The following CNTN5 variants were observed in gnomAD, a reference collection of about 807,000 sequenced individuals.
CNTN5 encodes contactin-5.
Under a neutral mutation model 129.1 loss-of-function variants are expected in CNTN5, and 77 were observed. The observed-to-expected ratio is 0.60, with a 90% CI of 0.50 to 0.72. The LOEUF (loss-of-function observed/expected upper bound fraction) is 0.72, where lower values mean the gene tolerates loss of function less well. CNTN5 is among the 30% of genes least tolerant of loss of function. The pLI is 0.00. For missense variants in CNTN5, 1,478 were observed against 1,328.8 expected (o/e 1.11, Z -1.75); for synonymous variants, 509 against 465.6 (o/e 1.09, Z -1.20).
chr11:100,122,684 G>A (rs1023427566), intron 13 of CNTN5, among the ~76,000 whole-genome samples: 1 of 152,044 alleles, frequency 6.6e-6, no homozygotes, highest in African/African-American at 2.4e-5. Context: ...TACTAAATGG[G>A]CCATTCTGAT....
At chr11:99,219,922 T>C (rs896296664) in intron 1 of CNTN5, among the ~76,000 whole-genome samples, 6 of 152,014 alleles carry the variant, frequency 3.9e-5, no homozygotes, top group African/African-American at 1.4e-4. Context: ...TGCAGGCTTC[T>C]GTATTTCTGT....
intron 3 of CNTN5, among the ~76,000 whole-genome samples, chr11:99,710,130 T>C (rs685284): frequency 0.77 from 116,671 of 151,650 alleles, 45,133 homozygotes; most frequent in Middle Eastern, 0.86. Context: ...AACTCACTCA[T>C]AGATGCCACA....
At chr11:99,112,613 A>G (rs1447032964) in intron 1 of CNTN5, among the ~76,000 whole-genome samples, 4 of 152,048 alleles carry the variant, frequency 2.6e-5, no homozygotes, top group Non-Finnish European at 5.9e-5. Flanking sequence ...CTTAAAATCC[A>G]TGAATGATAT....
rs1163547501 is a variant in CNTN5 at position 100,191,222 on chromosome 11, T to C, written c.1677T>C (p.Ser559=). The C allele has an allele frequency of 6.2e-6, 10 of 1,612,670 alleles. No individual in the cohort carries two copies. The African/African-American group carries it at 8.0e-5, about 13-fold the overall frequency. Residue 559 remains serine, a synonymous_variant, in exon 14 of 25, where the codon TCT becomes TCC. Transcript: ENST00000524871. ...YVCRGENVFG[S]AEIIASLSVK... ...GCCGAGGGGAAAACGTCTTTGGTTCTGCTGAAATTATAGCTTCGCTATCTG... is the reference window on the plus strand; with the variant it reads ...GCCGAGGGGAAAACGTCTTTGGTTCCGCTGAAATTATAGCTTCGCTATCTG...
intron 9 of CNTN5, among the ~76,000 whole-genome samples, chr11:100,005,227 G>A (rs1244609653): frequency 6.6e-6 from 1 of 151,952 alleles, no homozygotes; most frequent in East Asian, 1.9e-4. Flanking sequence ...ATTATTAACA[G>A]TTAATCAAAA....
At chr11:99,616,175 C>T (rs1309765088) in intron 3 of CNTN5, among the ~76,000 whole-genome samples, 8 of 152,194 alleles carry the variant, frequency 5.3e-5, no homozygotes, top group African/African-American at 1.9e-4. Context: ...TCAAGAATCA[C>T]TCTTGCTACC....
intron 3 of CNTN5, among the ~76,000 whole-genome samples, chr11:99,615,149 A>G (rs1001887247): frequency 2.0e-5 from 3 of 150,800 alleles, no homozygotes; most frequent in Non-Finnish European, 3.0e-5. Context: ...GAATAAGAAA[A>G]AATTTACCAA....
chr11:99,489,392 A>G (rs1378286663), intron 2 of CNTN5, among the ~76,000 whole-genome samples: 7 of 152,246 alleles, frequency 4.6e-5, no homozygotes, highest in Admixed American at 2.0e-4. Flanking sequence ...ACAATGAACT[A>G]TGATTCCCCT....
chr11:100,095,964 A>G (rs534994769), intron 13 of CNTN5, among the ~76,000 whole-genome samples: 41 of 152,182 alleles, frequency 2.7e-4, no homozygotes, highest in African/African-American at 9.9e-4. Flanking sequence ...CAGCAAAGAA[A>G]CCATGATATG....
intron 16 of CNTN5, among the ~76,000 whole-genome samples, chr11:100,255,008 C>T (rs1216005919): frequency 6.6e-6 from 1 of 152,086 alleles, no homozygotes; most frequent in Admixed American, 6.6e-5. Flanking sequence ...GGTTATAATT[C>T]GTTCTTAAAG....
chr11:99,305,519 C>A (rs150737983), intron 1 of CNTN5, among the ~76,000 whole-genome samples: 1 of 152,158 alleles, frequency 6.6e-6, no homozygotes, highest in East Asian at 1.9e-4. Context: ...AATGTCCTAC[C>A]TTTAGGCTTT....
chr11:99,908,419 T>C (rs1157003629), intron 6 of CNTN5, among the ~76,000 whole-genome samples: 1 of 152,072 alleles, frequency 6.6e-6, no homozygotes. Context: ...TCAAACTCTC[T>C]GTGTATGTTG....
chr11:99,582,401 G>C (rs1198979630), intron 3 of CNTN5, among the ~76,000 whole-genome samples: 3 of 152,178 alleles, frequency 2.0e-5, no homozygotes, highest in Admixed American at 2.0e-4. Context: ...AGTTCTCCTG[G>C]ATAATATCCT....
chr11:100,004,443 T>C (rs1032528378), intron 9 of CNTN5, among the ~76,000 whole-genome samples: 1 of 152,206 alleles, frequency 6.6e-6, no homozygotes, highest in Non-Finnish European at 1.5e-5. Context: ...AATGTACATG[T>C]TATCTAACTC....
At chr11:100,159,864 C>CTATT (rs1247595852) in intron 13 of CNTN5, among the ~76,000 whole-genome samples, 2 of 151,834 alleles carry the variant, frequency 1.3e-5, no homozygotes, top group Non-Finnish European at 2.9e-5. Flanking sequence ...CCATGGGCCA[C>CTATT]TATTTCTTCA....
At chr11:99,224,659 T>TTTTTTC (rs1236585924) in intron 1 of CNTN5, among the ~76,000 whole-genome samples, 7 of 142,696 alleles carry the variant, frequency 4.9e-5, no homozygotes, top group African/African-American at 1.6e-4. Flanking sequence ...AAGGTTGCAT[T>TTTTTTC]TTTTTTTTTT....
intron 2 of CNTN5, among the ~76,000 whole-genome samples, chr11:99,483,067 T>A (rs1040137904): frequency 4.9e-5 from 7 of 144,028 alleles, no homozygotes; most frequent in African/African-American, 1.8e-4. Context: ...TCCCAGCTAC[T>A]GGGGAGGCTG....
At chr11:99,277,923 A>G (rs1863518332) in intron 1 of CNTN5, among the ~76,000 whole-genome samples, 1 of 151,700 alleles carries the variant, frequency 6.6e-6, no homozygotes, top group Non-Finnish European at 1.5e-5. Context: ...AGAACTGGGT[A>G]AATCTAACAT....
intron 2 of CNTN5, among the ~76,000 whole-genome samples, chr11:99,546,828 C>G (rs1357288685): frequency 6.6e-6 from 1 of 151,930 alleles, no homozygotes; most frequent in African/African-American, 2.4e-5. Flanking sequence ...AGCTTGGACA[C>G]GCAAAGCCCA....
Sources: gnomAD v4.1 joint callset for allele counts (sites outside exome capture counted in the v4.1 genomes callset) on GRCh38, gnomAD v4.1.1 for gene constraint, MANE v1.5 for transcripts, NCBI Gene and HGNC (gene_info 2026-07-23, HGNC 2026-07-21) for gene names.